ZBTB20: variants seen among roughly 807,000 people sequenced by gnomAD.
ZBTB20 encodes the protein zinc finger and BTB domain-containing protein 20.
ZBTB20 carries 9 observed loss-of-function variants against 56.9 expected under a neutral mutation model. The ratio of observed to expected loss-of-function variants is 0.16; its 90% CI spans 0.10 to 0.28. The LOEUF is 0.28. Ranked by LOEUF, ZBTB20 falls within the 10% of genes least tolerant of loss-of-function variation. The probability of loss-of-function intolerance (pLI) is 1.00; values close to 1 mark genes in which losing one functional copy is unlikely to be tolerated. For synonymous variants in ZBTB20, 417 were observed against 420.7 expected, an observed-to-expected ratio of 0.99 and a Z score of 0.11; for missense variants, 655 against 1,003.0, an observed-to-expected ratio of 0.65 and a Z score of 4.69.
At chr3:114,773,904 T>C (rs890183630) in intron 5 of ZBTB20, among the ~76,000 whole-genome samples, 2 of 152,162 alleles carry the variant, frequency 1.3e-5, no homozygotes, top group African/African-American at 4.8e-5. Flanking sequence ...CCAAAGCTAG[T>C]TTTTAAAATT....
intron 10 of ZBTB20, among the ~76,000 whole-genome samples, chr3:114,368,489 G>C (rs1371191108): frequency 6.6e-6 from 1 of 152,158 alleles, no homozygotes; most frequent in African/African-American, 2.4e-5. Flanking sequence ...TCTCCTCATT[G>C]CTTCTAAGTT....
At chr3:114,625,372 TG>T (rs1257564404) in intron 6 of ZBTB20, among the ~76,000 whole-genome samples, 2 of 152,146 alleles carry the variant, frequency 1.3e-5, no homozygotes, top group Non-Finnish European at 2.9e-5. Flanking sequence ...CTCCCAAACT[TG>T]AATTAAGAAA....
At chr3:115,128,583 G>C (rs2108661454) in intron 1 of ZBTB20, among the ~76,000 whole-genome samples, 1 of 151,800 alleles carries the variant, frequency 6.6e-6, no homozygotes, top group African/African-American at 2.4e-5. Context: ...AGAATCGCTT[G>C]AACCCAGGAG....
At chr3:114,693,630 A>C (rs1213878176) in intron 5 of ZBTB20, 55 bp from the exon 6 acceptor site, 1 of 152,156 alleles carries the variant, frequency 6.6e-6, no homozygotes, top group East Asian at 1.9e-4. Context: ...TAAATGTATG[A>C]TAACATGGTA....
chr3:114,764,435 G>A (rs1052913473), intron 5 of ZBTB20, among the ~76,000 whole-genome samples: 27 of 152,092 alleles, frequency 1.8e-4, no homozygotes, highest in African/African-American at 6.5e-4. Flanking sequence ...AACCACATGG[G>A]CTACCCTTGA....
intron 4 of ZBTB20, among the ~76,000 whole-genome samples, chr3:114,847,287 G>A (rs1342399901): frequency 1.2e-4 from 17 of 145,706 alleles, no homozygotes; most frequent in African/African-American, 1.0e-4. Flanking sequence ...TGGTTCATGA[G>A]AAAAAAAAAA....
intron 3 of ZBTB20, among the ~76,000 whole-genome samples, chr3:114,940,138 G>A (rs1414735339): frequency 6.9e-6 from 1 of 145,946 alleles, no homozygotes; most frequent in African/African-American, 2.8e-5. Context: ...CATATGCCAG[G>A]TACTGTGCAA....
At chr3:115,033,600 T>G (rs1352225699) in intron 2 of ZBTB20, among the ~76,000 whole-genome samples, 1 of 151,624 alleles carries the variant, frequency 6.6e-6, no homozygotes, top group Non-Finnish European at 1.5e-5. Flanking sequence ...CTGTTTACAA[T>G]AGCTAAGATT....
Position 114,631,384 on chromosome 3 carries a change from T to TTTC in ZBTB20, c.-295+62143_-295+62144insGAA, listed in dbSNP as rs1302916116. ...GGGTGGCTCTTAAATAGGTTATTCT[T>TTTC]TTTTTTTTTTTTTTTTTTTTTTTTT... On this transcript the variant is annotated intron_variant, in intron 6 of 11. Coordinates refer to ENST00000675478, the MANE Select transcript of ZBTB20 (RefSeq NM_001348800.3). 6.4e-5 allele frequency among the ~76,000 whole-genome samples: 6 copies of TTTC among 94,366 alleles called. No individual in the cohort carries two copies. The South Asian group carries it at 2.4e-3, about 37-fold the overall frequency. The allele number at this position is 94,366 out of a possible 152,430, so 61.9% of individuals were successfully genotyped here. A position where few individuals can be genotyped will look rare whatever the true frequency, so the allele number is the denominator to read the frequency against.
chr3:114,731,295 T>C (rs1268006249), intron 5 of ZBTB20, among the ~76,000 whole-genome samples: 5 of 152,190 alleles, frequency 3.3e-5, no homozygotes. Flanking sequence ...AAATTTCTTG[T>C]ACTGGGTTGG....
intron 7 of ZBTB20, among the ~76,000 whole-genome samples, chr3:114,418,875 C>T (rs2088851734): frequency 6.6e-6 from 1 of 152,010 alleles, no homozygotes; most frequent in Non-Finnish European, 1.5e-5. Context: ...GATGTGTATC[C>T]CTACTGCCCT....
intron 7 of ZBTB20, among the ~76,000 whole-genome samples, chr3:114,406,526 T>C (rs2087338476): frequency 6.6e-6 from 1 of 152,128 alleles, no homozygotes; most frequent in Admixed American, 6.6e-5. Flanking sequence ...TAATGACGCA[T>C]TACAAAGTAA....
intron 5 of ZBTB20, among the ~76,000 whole-genome samples, chr3:114,789,392 G>T (rs548979974): frequency 6.6e-6 from 1 of 152,214 alleles, no homozygotes; most frequent in Non-Finnish European, 1.5e-5. Flanking sequence ...CAGGAGTTGG[G>T]TTCCTATAAG....
intron 7 of ZBTB20, among the ~76,000 whole-genome samples, chr3:114,493,348 T>C (rs2042941031): frequency 6.6e-6 from 1 of 152,246 alleles, no homozygotes; most frequent in South Asian, 2.1e-4. Flanking sequence ...TGTAACATAA[T>C]GTACAGGTGT....
At chr3:114,456,146 A>G (rs1275480145) in intron 7 of ZBTB20, among the ~76,000 whole-genome samples, 2 of 152,136 alleles carry the variant, frequency 1.3e-5, no homozygotes, top group African/African-American at 4.8e-5. Context: ...CCAAATGGAA[A>G]TATAATTACA....
intron 5 of ZBTB20, among the ~76,000 whole-genome samples, chr3:114,717,443 C>T (rs2064565996): frequency 1.3e-5 from 2 of 152,072 alleles, no homozygotes; most frequent in Admixed American, 1.3e-4. Flanking sequence ...GTCCCTTTTA[C>T]ATTTTACCAG....
At chr3:114,345,281 C>CTG (rs200602150) in intron 11 of ZBTB20, among the ~76,000 whole-genome samples, 2 of 151,888 alleles carry the variant, frequency 1.3e-5, no homozygotes, top group African/African-American at 4.8e-5. Flanking sequence ...ATGTATGTCT[C>CTG]TGTGTGTGTG....
intron 5 of ZBTB20, among the ~76,000 whole-genome samples, chr3:114,772,608 T>C (rs1293241599): frequency 6.6e-6 from 1 of 152,142 alleles, no homozygotes; most frequent in African/African-American, 2.4e-5. Flanking sequence ...TTTCATAACA[T>C]ATATATTAAA....
At chr3:114,678,203 A>G (rs530888406) in intron 6 of ZBTB20, among the ~76,000 whole-genome samples, 28 of 152,214 alleles carry the variant, frequency 1.8e-4, no homozygotes, top group Non-Finnish European at 2.1e-4. Flanking sequence ...TCACTTTAAA[A>G]ATCAACAAAC....
Sources: gnomAD v4.1 joint callset for allele counts (sites outside exome capture counted in the v4.1 genomes callset) on GRCh38, gnomAD v4.1.1 for gene constraint, MANE v1.5 for transcripts, NCBI Gene and HGNC (gene_info 2026-07-23, HGNC 2026-07-21) for gene names.